The following AQR variants were observed in gnomAD, a reference collection of about 807,000 sequenced individuals.
AQR encodes the protein RNA helicase aquarius.
AQR carries 61 observed loss-of-function variants against 180.5 expected under a neutral mutation model. The observed-to-expected ratio is 0.34, with a 90% CI of 0.28 to 0.42. The LOEUF (loss-of-function observed/expected upper bound fraction) is 0.42, where lower values mean the gene tolerates loss of function less well. AQR is among the 10% of genes least tolerant of loss of function. AQR has a pLI of 1.00. For missense variants in AQR, 1,281 were observed against 1,798.3 expected, an observed-to-expected ratio of 0.71 and a Z score of 5.20; for synonymous variants, 551 against 588.8, an observed-to-expected ratio of 0.94 and a Z score of 0.93.
At chr15:34,913,444 T>C (rs1209318135) in intron 16 of AQR, among the ~76,000 whole-genome samples, 1 of 152,170 alleles carries the variant, frequency 6.6e-6, no homozygotes, top group Non-Finnish European at 1.5e-5. Flanking sequence ...CCTTTTAGGT[T>C]TCGACATTTT....
chr15:34,890,665 A>G (rs11632659), intron 23 of AQR, among the ~76,000 whole-genome samples: 148,325 of 152,306 alleles, frequency 0.97, 72,370 homozygotes, highest in Middle Eastern at 1. Context: ...TCCTTGGGTT[A>G]CAGAGAACTG....
chr15:34,857,652 G>GAGGC (rs1892606908), intron 34 of AQR, among the ~76,000 whole-genome samples: 1 of 152,188 alleles, frequency 6.6e-6, no homozygotes, highest in African/African-American at 2.4e-5. Flanking sequence ...TCAGGATGCT[G>GAGGC]AGGCAGGAGA....
At chr15:34,885,596 T>A (rs1028684223) in intron 25 of AQR, among the ~76,000 whole-genome samples, 4 of 152,190 alleles carry the variant, frequency 2.6e-5, no homozygotes, top group Non-Finnish European at 2.9e-5. Context: ...ACATAAACCT[T>A]CTTAATTTAT....
intron 22 of AQR, among the ~76,000 whole-genome samples, chr15:34,895,283 G>C (rs1485504442): frequency 7.5e-6 from 1 of 132,766 alleles, no homozygotes; most frequent in Non-Finnish European, 1.6e-5. Flanking sequence ...GCATGAAAAG[G>C]GAAACAGAAG....
chr15:34,882,465 T>TAAAAAAAAAAAAAAAAAAAAAAAAA (rs34949352), intron 27 of AQR, 37 bp downstream of exon 27: 1 of 1,081,086 alleles, frequency 9.2e-7, no homozygotes, highest in African/African-American at 2.0e-5. Context: ...CTGATAATCT[T>TAAAAAAAAAAAAAAAAAAAAAAAAA]AAAAAAAAAA....
chr15:34,875,330 T>C (rs1157456571), intron 28 of AQR, among the ~76,000 whole-genome samples: 1 of 152,200 alleles, frequency 6.6e-6, no homozygotes, highest in East Asian at 1.9e-4. Flanking sequence ...TCCTACTCTA[T>C]ATGTCTCCTA....
chr15:34,911,245 T>A (rs543315494), intron 16 of AQR, among the ~76,000 whole-genome samples: 1 of 152,228 alleles, frequency 6.6e-6, no homozygotes, highest in African/African-American at 2.4e-5. Flanking sequence ...AATGCTGCAA[T>A]GAACACAAGA....
intron 3 of AQR, among the ~76,000 whole-genome samples, chr15:34,957,271 C>T (rs1311080799): frequency 6.6e-6 from 1 of 152,094 alleles, no homozygotes; most frequent in African/African-American, 2.4e-5. Flanking sequence ...ATTCTCCTGC[C>T]TCAGTCTCTC....
rs1200844982 is a variant in AQR at position 34,893,573 on chromosome 15, C to T, written c.2571+90G>A. Reference sequence around the variant, plus strand: ...TCCCACACTTACCTCCCCCTCAACCCCTAACCTGCATACCCATGTGCATGC... The same window carrying T: ...TCCCACACTTACCTCCCCCTCAACCTCTAACCTGCATACCCATGTGCATGC... On this transcript the variant is annotated intron_variant, in intron 23 of 34. Coordinates refer to ENST00000156471, the MANE Select transcript of AQR (RefSeq NM_014691.3). 1.1e-5 allele frequency: 13 copies of T among 1,134,736 alleles called. No individual in the cohort carries two copies. The Admixed American group carries it at 2.2e-4, about 19-fold the overall frequency. 70.3% of individuals were successfully genotyped at this position (1,134,736 alleles called of 1,614,324 possible).
intron 27 of AQR, among the ~76,000 whole-genome samples, chr15:34,876,929 T>G (rs1290160049): frequency 2.6e-5 from 4 of 152,212 alleles, no homozygotes; most frequent in Non-Finnish European, 5.9e-5. Flanking sequence ...AAAAGCCACT[T>G]TATCTAGGCC....
At chr15:34,870,317 T>C (rs1892798476) in intron 31 of AQR, 1 of 152,260 alleles carries the variant, frequency 6.6e-6, no homozygotes, top group African/African-American at 2.4e-5. Context: ...TTTGATATTA[T>C]GCATTTTTGA....
chr15:34,935,315 C>T (rs1190537430), intron 9 of AQR, among the ~76,000 whole-genome samples: 1 of 146,570 alleles, frequency 6.8e-6, no homozygotes, highest in Non-Finnish European at 1.5e-5. Flanking sequence ...AGAGTAAAAG[C>T]TTTTTTTCTA....
intron 23 of AQR, among the ~76,000 whole-genome samples, chr15:34,890,883 T>C (rs1237953449): frequency 6.6e-6 from 1 of 152,238 alleles, no homozygotes; most frequent in Non-Finnish European, 1.5e-5. Context: ...ACTTTCTATC[T>C]GTGAAATGTT....
intron 11 of AQR, among the ~76,000 whole-genome samples, chr15:34,931,941 C>T (rs1349991352): frequency 6.6e-6 from 1 of 152,200 alleles, no homozygotes; most frequent in African/African-American, 2.4e-5. Context: ...TTATTCAAGG[C>T]AGCATGTATA....
Position 34,873,860 on chromosome 15 carries a change from C to T in AQR, c.3565G>A (p.Gly1189Arg). 1 of 1,605,006 alleles carries T rather than the reference C, an allele frequency of 6.2e-7. No individual in the cohort carries two copies. Among genetic ancestry groups the T allele is most frequent in the Non-Finnish European group, 8.5e-7 (1 of 1,175,140 alleles). Residue 1189 changes from glycine (G) to arginine (R), a missense_variant, in exon 30 of 35, where the codon GGA (glycine) becomes AGA (arginine). Gly to Arg is a moderately radical substitution (Grantham distance 125). This residue lies in a region of AQR where 197 missense variants were observed against 320.7 expected (regional missense o/e 0.61). Coordinates refer to ENST00000156471, the MANE Select transcript of AQR (RefSeq NM_014691.3). Reference sequence around the variant, plus strand: ...AAGTAAGGATTAGGTTCAGATTCTCCCACTCCTTGAAAATCTTCAACATTA... The same window carrying T: ...AAGTAAGGATTAGGTTCAGATTCTCTCACTCCTTGAAAATCTTCAACATTA... ...LINVEDFQGV[G>R]ESEPNPYFYQ...
At chr15:34,964,320 C>G in intron 1 of AQR, 30 bp from the exon 2 acceptor site, 1 of 1,551,752 alleles carries the variant, frequency 6.4e-7, no homozygotes, top group East Asian at 2.2e-5. Context: ...AACAGTAAGT[C>G]CCAGATTCTT....
chr15:34,939,825 CTTAT>C (rs1426031198), intron 8 of AQR, among the ~76,000 whole-genome samples: 1 of 152,216 alleles, frequency 6.6e-6, no homozygotes, highest in East Asian at 1.9e-4. Flanking sequence ...CACTTCACAT[CTTAT>C]TTAATATTGA....
In AQR at chr15:34,870,766, C is replaced by T. The variant is rs1892805291; in HGVS notation, c.3754G>A (p.Gly1252Arg). The T allele has an allele frequency of 1.2e-6, 2 of 1,610,848 alleles. No homozygotes were observed. The highest frequency in any genetic ancestry group is 4.5e-5 in the East Asian group (2 of 44,784). ...TATAAAAGTACCTTGTTTGGTCTTCCAATCAATGGATTGTTTCCACATCGT... is the reference window on the plus strand; with the variant it reads ...TATAAAAGTACCTTGTTTGGTCTTCTAATCAATGGATTGTTTCCACATCGT... Reference protein sequence around the residue: ...NRRCGNNPLIGRPNKVTTVDR... With the variant: ...NRRCGNNPLIRRPNKVTTVDR... The change falls in exon 31 of 35, where the codon GGA becomes AGA. Residue 1252 changes from glycine (G) to arginine (R), a missense_variant. By Grantham distance (125) the Gly-to-Arg change is moderately radical. Transcript: ENST00000156471.
At chr15:34,906,754 T>C (rs1893425450) in intron 17 of AQR, 42 bp from the exon 18 acceptor site, 1 of 1,582,814 alleles carries the variant, frequency 6.3e-7, no homozygotes, top group Non-Finnish European at 8.6e-7. Flanking sequence ...AGAATTTCAT[T>C]GTTTTCAGTC....
Sources: allele counts gnomAD v4.1 joint callset (sites outside exome capture counted in the v4.1 genomes callset), GRCh38; gene constraint gnomAD v4.1.1; regional missense constraint gnomAD v4.1.1; transcripts MANE v1.5; gene names NCBI Gene and HGNC (gene_info 2026-07-23, HGNC 2026-07-21).